PLD4: variants seen among roughly 807,000 people sequenced by gnomAD.
The protein encoded by PLD4 is 5'-3' exonuclease PLD4.
Under a neutral mutation model 52.3 loss-of-function variants are expected in PLD4, and 54 were observed. The ratio of observed to expected loss-of-function variants is 1.03; its 90% CI spans 0.83 to 1.30. The LOEUF is 1.30. PLD4 is among the 50% of genes most tolerant of loss of function. The pLI is 0.00. For synonymous variants in PLD4, 264 were observed against 286.5 expected, an observed-to-expected ratio of 0.92 and a Z score of 0.79; for missense variants, 731 against 671.1, an observed-to-expected ratio of 1.09 and a Z score of -0.99.
Position 104,932,019 on chromosome 14 carries a change from C to T in PLD4, c.1066C>T (p.Pro356Ser). Reference protein sequence around the residue: ...TRFSHPPRYWPVLDNALRAAA... With the variant: ...TRFSHPPRYWSVLDNALRAAA... The stretch of plus-strand genomic sequence containing the variant: ...GTCCCTCCCCACCCCAAGGTACTGG[C>T]CGGTGCTGGACAACGCGCTGCGGGC... The change falls in exon 9 of 11, where the codon CCG (proline) becomes TCG (serine). Residue 356 changes from proline to serine, a missense_variant. Physicochemically the swap from Pro to Ser is moderately conservative, Grantham distance 74 (BLOSUM62 -1). Coordinates refer to ENST00000392593, the MANE Select transcript of PLD4 (RefSeq NM_138790.5). This position sits in a 1 kb window ranked among gnomAD's most constrained non-coding sequence, Gnocchi z 6.5. 1 of 1,595,044 alleles carries T rather than the reference C, an allele frequency of 6.3e-7. No homozygotes were observed. Among genetic ancestry groups the T allele is most frequent in the Non-Finnish European group, 8.5e-7 (1 of 1,173,272 alleles).
chr14:104,926,189 C>G (rs761960871), intron 1 of PLD4, among the ~76,000 whole-genome samples: 1 of 152,106 alleles, frequency 6.6e-6, no homozygotes, highest in Admixed American at 6.5e-5. Flanking sequence ...CCCCAAACCT[C>G]GGAGACATCC....
chr14:104,930,206 G>A (rs148957241), intron 6 of PLD4, 101 bp downstream of exon 6: 11 of 1,472,746 alleles, frequency 7.5e-6, no homozygotes, highest in Admixed American at 4.0e-5. Flanking sequence ...GGAGAAAGTC[G>A]TGTAGTCCTG....
chr14:104,931,903 A>G lies in PLD4; in HGVS notation c.1058+16A>G. ...ACCCCCCGAGGTAGGTCTGAGTGGGAGGTGGGCGGCCTGCTCTGCTGACGG... is the reference window on the plus strand; with the variant it reads ...ACCCCCCGAGGTAGGTCTGAGTGGGGGGTGGGCGGCCTGCTCTGCTGACGG... On this transcript the variant is annotated intron_variant, in intron 8 of 10. Transcript: ENST00000392593. The G allele has an allele frequency of 6.5e-7, 1 of 1,531,638 alleles. No homozygotes were observed. Among genetic ancestry groups the G allele is most frequent in the Non-Finnish European group, 8.8e-7 (1 of 1,136,512 alleles). The allele number at this position is 1,531,638 out of a possible 1,614,324, so 94.9% of individuals were successfully genotyped here.
chr14:104,926,472 A>C (rs1273018238), intron 1 of PLD4, among the ~76,000 whole-genome samples: 1 of 152,160 alleles, frequency 6.6e-6, no homozygotes, highest in Admixed American at 6.5e-5. Context: ...AGATAAGGCG[A>C]GTCCCTGCAG....
Position 104,928,797 on chromosome 14 carries a change from C to T in PLD4, c.333C>T (p.Gly111=). Residue 111 remains glycine (G), a synonymous_variant, in exon 4 of 11, where the codon GGC becomes GGT. Transcript: ENST00000392593. ...SIPQDLPSAA[G]SPSAQPLGQA... ...CCCAGGACCTGCCATCTGCAGCCGG[C>T]AGCCCCTCTGCCCAGCCTCTGGGCC... 6.2e-7 allele frequency: 1 copy of T among 1,608,608 alleles called. No homozygotes were observed. The highest frequency in any genetic ancestry group is 8.5e-7 in the Non-Finnish European group (1 of 1,176,888).
rs1388976977 is a variant in PLD4, at chr14:104,932,852, G to A, written c.1409G>A (p.Gly470Glu). ...VTQSPGAQPA[G>E]ATVQEQLRQL... ...CAGAGCCCTGGCGCGCAGCCCGCGG[G>A]GGCCACGGTGCAGGAGCAGCTGCGG... Residue 470 changes from glycine to glutamate, a missense_variant, in exon 11 of 11, where the codon GGG becomes GAG. Physicochemically the swap from Gly to Glu is moderately conservative, Grantham distance 98 (BLOSUM62 -2). Transcript: ENST00000392593. This position sits in a 1 kb window ranked among gnomAD's most constrained non-coding sequence, Gnocchi z 6.5. 6.2e-7 allele frequency: 1 copy of A among 1,604,992 alleles called. No homozygotes were observed. The highest frequency in any genetic ancestry group is 1.7e-5 in the Admixed American group (1 of 59,210).
In PLD4 at chr14:104,928,214, G is replaced by C. The variant is rs1244309787; in HGVS notation, c.284+348G>C. Among the ~76,000 whole-genome samples the C allele has an allele frequency of 3.9e-5, 6 of 152,208 alleles. 1 individual carries two copies. In the East Asian group the frequency reaches 1.2e-3, roughly 29 times the overall value. On this transcript the variant is annotated intron_variant, in intron 3 of 10. Coordinates refer to ENST00000392593, the MANE Select transcript of PLD4 (RefSeq NM_138790.5). ...TCCCTCCCACCCTTCTTTCCCTGCG[G>C]TTGGGGTCCTGGAATCCCAGGACTG...
Position 104,928,896 on chromosome 14 carries a change from G to GC in PLD4, c.434dup (p.Asp146Ter), listed in dbSNP as rs780333804. 1.2e-5 allele frequency: 19 copies of GC among 1,608,398 alleles called. No homozygotes were observed. In the Admixed American group the frequency reaches 3.2e-4, roughly 27 times the overall value. On this transcript the variant is annotated frameshift_variant, in exon 4 of 11. Transcript: ENST00000392593. LOFTEE classifies it high-confidence loss of function. ...CTTCATACTACTGGTCCCTCACAGG[G>GC]CCTGACATCGGGGTCAACGACTCGT...
In PLD4 at chr14:104,932,256, A is replaced by G; in HGVS notation, c.1225-3A>G. ...CCTGACGCGCTGCCTCTGCTCCCCTAAGAAAGTCTTCATCGTGCCGGTGGG... is the reference window on the plus strand; with the variant it reads ...CCTGACGCGCTGCCTCTGCTCCCCTGAGAAAGTCTTCATCGTGCCGGTGGG... On this transcript the variant is annotated splice_region_variant and splice_polypyrimidine_tract_variant and intron_variant, in intron 9 of 10. Coordinates refer to ENST00000392593, the MANE Select transcript of PLD4 (RefSeq NM_138790.5). The surrounding 1 kb of genome is among the most constrained non-coding windows in gnomAD (Gnocchi z 6.5). The G allele has an allele frequency of 6.2e-7, 1 of 1,612,570 alleles. No homozygotes were observed.
In PLD4 at chr14:104,932,064, G is replaced by T; in HGVS notation, c.1111G>T (p.Val371Leu). 10 of 1,608,442 alleles carry T rather than the reference G, an allele frequency of 6.2e-6. No homozygotes were observed. The highest frequency in any genetic ancestry group is 7.6e-6 in the Non-Finnish European group (9 of 1,178,810). ...GCGGGCGGCAGCCTTCGGCAAGGGC[G>T]TGCGCGTGCGCCTGCTGGTCGGCTG... ...ALRAAAFGKG[V>L]RVRLLVGCGL... The change falls in exon 9 of 11, where the codon GTG becomes TTG. Residue 371 changes from valine (V) to leucine (L), a missense_variant. Transcript: ENST00000392593. The surrounding 1 kb of genome is among the most constrained non-coding windows in gnomAD (Gnocchi z 6.5).
rs1001740209 is a variant in PLD4 at position 104,927,317 on chromosome 14, C to T, written c.90+87C>T. On this transcript the variant is annotated intron_variant, in intron 2 of 10. Transcript: ENST00000392593. ...GCCAGAGTGGAGAGGTCACAAGCAG[C>T]CTTGAGGGGGCCTCCAAGCAGAGGT... 5.7e-5 allele frequency: 67 copies of T among 1,177,236 alleles called. 1 individual carries two copies. The highest frequency in any genetic ancestry group is 4.9e-4 in the South Asian group (31 of 63,838). 72.9% of individuals were successfully genotyped at this position (1,177,236 alleles called of 1,614,324 possible). A position where few individuals can be genotyped will look rare whatever the true frequency, so the allele number is the denominator to read the frequency against.
rs983655707 is a variant in PLD4, at chr14:104,930,520, T to C, written c.718-222T>C. 6 of 600,616 alleles carry C rather than the reference T, an allele frequency of 1.0e-5. No homozygotes were observed. In the African/African-American group the frequency reaches 1.1e-4, roughly 11 times the overall value. 37.2% of individuals were successfully genotyped at this position (600,616 alleles called of 1,614,324 possible). A position where few individuals can be genotyped will look rare whatever the true frequency, so the allele number is the denominator to read the frequency against. ...TATTGTTTTTGTAATAAACGTGTAT[T>C]GCTTTGATCATTGGAATACAATGTT... is the stretch of plus-strand genomic sequence containing the variant. On this transcript the variant is annotated intron_variant, in intron 6 of 10. Transcript: ENST00000392593.
Position 104,932,168 on chromosome 14 carries a change from T to C in PLD4, c.1215T>C (p.Ser405=). ...TCAGCAACCCCGCGGCCAACGTCTCTGTGGACGTGGTGAGGGCGTGCTCCC... is the reference window on the plus strand; with the variant it reads ...TCAGCAACCCCGCGGCCAACGTCTCCGTGGACGTGGTGAGGGCGTGCTCCC... The part of the protein sequence containing the change: ...QALSNPAANV[S]VDVKVFIVPV... The change falls in exon 9 of 11, where the codon TCT becomes TCC. Residue 405 remains serine (S), a synonymous_variant. Coordinates refer to ENST00000392593, the MANE Select transcript of PLD4 (RefSeq NM_138790.5). This position sits in a 1 kb window ranked among gnomAD's most constrained non-coding sequence, Gnocchi z 6.5. 6.2e-7 allele frequency: 1 copy of C among 1,611,338 alleles called. No individual in the cohort carries two copies. The highest frequency in any genetic ancestry group is 8.5e-7 in the Non-Finnish European group (1 of 1,179,110).
chr14:104,933,354 T>G, downstream of PLD4: 1 of 167,056 alleles, frequency 6.0e-6, no homozygotes, highest in Non-Finnish European at 1.3e-5. Context: ...GCGCCTCAGC[T>G]AGCCCCGGGT....
chr14:104,932,328 A>C lies in PLD4; in HGVS notation c.1294A>C (p.Met432Leu). 1 of 1,612,654 alleles carries C rather than the reference A, an allele frequency of 6.2e-7. No individual in the cohort carries two copies. The highest frequency in any genetic ancestry group is 8.5e-7 in the Non-Finnish European group (1 of 1,179,842). ...CAGCAGGGTGAACCACAGCAAGTTC[A>C]TGGTCACGGAGAAGGCAGCCTACAT... Reference protein sequence around the residue: ...PFSRVNHSKFMVTEKAAYIGT... With the variant: ...PFSRVNHSKFLVTEKAAYIGT... The change falls in exon 10 of 11, where the codon ATG becomes CTG. Residue 432 changes from methionine to leucine, a missense_variant. Coordinates refer to ENST00000392593, the MANE Select transcript of PLD4 (RefSeq NM_138790.5). This position sits in a 1 kb window ranked among gnomAD's most constrained non-coding sequence, Gnocchi z 6.5.
At position 104,931,892 on chromosome 14, in the gene PLD4, G is replaced by A; in HGVS notation, c.1058+5G>A. The A allele has an allele frequency of 6.5e-7, 1 of 1,536,544 alleles. No homozygotes were observed. The highest frequency in any genetic ancestry group is 1.4e-5 in the African/African-American group (1 of 73,136). ...GCGCTTCAGCCACCCCCCGAGGTAGGTCTGAGTGGGAGGTGGGCGGCCTGC... is the reference window on the plus strand; with the variant it reads ...GCGCTTCAGCCACCCCCCGAGGTAGATCTGAGTGGGAGGTGGGCGGCCTGC... On this transcript the variant is annotated splice_donor_5th_base_variant and intron_variant, in intron 8 of 10. Transcript: ENST00000392593.
Position 104,927,862 on chromosome 14 carries a change from T to C in PLD4, c.280T>C (p.Cys94Arg). 4.5e-6 allele frequency: 7 copies of C among 1,570,072 alleles called. No individual in the cohort carries two copies. Among genetic ancestry groups the C allele is most frequent in the Non-Finnish European group, 6.0e-6 (7 of 1,160,786 alleles). The change falls in exon 3 of 11, where the codon TGC (cysteine) becomes CGC (arginine). Residue 94 changes from cysteine to arginine, a missense_variant. Transcript: ENST00000392593. ...EAEARQQRDSCQLVLVESIPQ... is the reference protein window; with the variant it reads ...EAEARQQRDSRQLVLVESIPQ... ...AGAGGCCAGGCAGCAGAGGGACTCC[T>C]GCCAGTAAGTGAGCCCATGGAGGCC...
Position 104,933,083 on chromosome 14 carries a change from G to C in PLD4, c.*119G>C, listed in dbSNP as rs1474193262. 12 of 1,200,692 alleles carry C rather than the reference G, an allele frequency of 1.0e-5. No individual in the cohort carries two copies. Among genetic ancestry groups the C allele is most frequent in the Non-Finnish European group, 1.2e-5 (11 of 905,336 alleles). The allele number at this position is 1,200,692 out of a possible 1,614,324, so 74.4% of individuals were successfully genotyped here. Reference sequence around the variant, plus strand: ...CCGGGTCCGCACTGCGCCAGGAGCCGCCTGCGACCGCCCGGGCGTCGCAAA... The same window carrying C: ...CCGGGTCCGCACTGCGCCAGGAGCCCCCTGCGACCGCCCGGGCGTCGCAAA... On this transcript the variant is annotated 3_prime_UTR_variant, in exon 11 of 11. Coordinates refer to ENST00000392593, the MANE Select transcript of PLD4 (RefSeq NM_138790.5).
In PLD4 at chr14:104,930,732, G is replaced by C; in HGVS notation, c.718-10G>C. 6.2e-7 allele frequency: 1 copy of C among 1,613,112 alleles called. No individual in the cohort carries two copies. The highest frequency in any genetic ancestry group is 8.5e-7 in the Non-Finnish European group (1 of 1,179,998). ...TTTTCTCCCACAGCGCCTGACTTTGGTCCCTGCAGGTGAAGGAGCTTGGCG... is the reference window on the plus strand; with the variant it reads ...TTTTCTCCCACAGCGCCTGACTTTGCTCCCTGCAGGTGAAGGAGCTTGGCG... On this transcript the variant is annotated splice_polypyrimidine_tract_variant and intron_variant, in intron 6 of 10. Coordinates refer to ENST00000392593, the MANE Select transcript of PLD4 (RefSeq NM_138790.5).
Sources: allele counts gnomAD v4.1 joint callset (sites outside exome capture counted in the v4.1 genomes callset), GRCh38; gene constraint gnomAD v4.1.1; non-coding constraint Gnocchi (gnomAD v3.1); transcripts MANE v1.5; gene names NCBI Gene and HGNC (gene_info 2026-07-23, HGNC 2026-07-21).